Variants in LCP2 observed in about 807,000 individuals in gnomAD.
LCP2 encodes the protein 76 kDa tyrosine phosphoprotein.
A neutral mutation model predicts 74.5 loss-of-function variants in LCP2; 29 were observed. That is an observed-to-expected ratio of 0.39 (90% CI 0.29 to 0.53). The LOEUF is 0.53. Ranked by LOEUF, LCP2 falls within the 20% of genes least tolerant of loss-of-function variation. LCP2 has a pLI of 0.72. For missense variants in LCP2, 604 were observed against 634.6 expected, an observed-to-expected ratio of 0.95 and a Z score of 0.52; for synonymous variants, 228 against 229.5, an observed-to-expected ratio of 0.99 and a Z score of 0.06.
intron 1 of LCP2, 133 bp from the exon 2 acceptor site, chr5:170,293,505 G>C (rs1198460903): frequency 1.3e-6 from 1 of 790,580 alleles, no homozygotes; most frequent in Non-Finnish European, 2.1e-6. Context: ...CCCTCCCTTG[G>C]CTAACAGAGG....
intron 17 of LCP2, 103 bp from the exon 18 acceptor site, chr5:170,253,316 T>A (rs540093445): frequency 1.2e-4 from 87 of 735,002 alleles, no homozygotes; most frequent in African/African-American, 1.1e-3. Flanking sequence ...AAAATACCCT[T>A]GCGATTGGTC....
chr5:170,258,458 G>A, intron 15 of LCP2: 1 of 361,004 alleles, frequency 2.8e-6, no homozygotes, highest in Non-Finnish European at 5.0e-6. Context: ...AAAATTGTCA[G>A]CTGGAAACCT....
At position 170,256,522 on chromosome 5, in the gene LCP2, A is replaced by C. The variant is rs779315921; in HGVS notation, c.1150+4T>G. 1.2e-6 allele frequency: 2 copies of C among 1,612,252 alleles called. No homozygotes were observed. The highest frequency in any genetic ancestry group is 1.7e-4 in the Middle Eastern group (1 of 6,060). On this transcript the variant is annotated splice_donor_region_variant and intron_variant, in intron 17 of 20. Transcript: ENST00000046794. The surrounding 1 kb of genome is among the most constrained non-coding windows in gnomAD (Gnocchi z 4.5). ...AGCACGTCACAAAAGCCCAGAGTAC[A>C]AACCTTGAGAGAAGTATGGTGGCAG...
chr5:170,296,301 T>C (rs6888181), intron 1 of LCP2, among the ~76,000 whole-genome samples: 7,787 of 152,208 alleles, frequency 0.051, 401 homozygotes, highest in African/African-American at 0.13. Context: ...GCACAAAATA[T>C]GGCAAAAAAC....
intron 3 of LCP2, among the ~76,000 whole-genome samples, chr5:170,281,547 T>C (rs1250482358): frequency 2.0e-5 from 3 of 152,246 alleles, no homozygotes; most frequent in African/African-American, 2.4e-5. Flanking sequence ...CCCAAAGTGC[T>C]GGGATTACAG....
chr5:170,258,091 G>T lies in LCP2; in HGVS notation c.1046C>A (p.Pro349Gln). The change falls in exon 16 of 21, where the codon CCA (proline) becomes CAA (glutamine). Residue 349 changes from proline to glutamine, a missense_variant. Transcript: ENST00000046794. ...GGATGGGAGAGGGTTCATGGGACTTGGCTTAGTAGATCTTGAAGGGAAAGT... is the reference window on the plus strand; with the variant it reads ...GGATGGGAGAGGGTTCATGGGACTTTGCTTAGTAGATCTTGAAGGGAAAGT... ...SNTFPSRSTKPSPMNPLPSSH... is the reference protein window; with the variant it reads ...SNTFPSRSTKQSPMNPLPSSH... 1 of 1,613,878 alleles carries T rather than the reference G, an allele frequency of 6.2e-7. No individual in the cohort carries two copies. Among genetic ancestry groups the T allele is most frequent in the Non-Finnish European group, 8.5e-7 (1 of 1,179,768 alleles).
intron 17 of LCP2, among the ~76,000 whole-genome samples, chr5:170,255,636 A>T (rs369947120): frequency 6.6e-6 from 1 of 152,308 alleles, no homozygotes; most frequent in East Asian, 1.9e-4. Context: ...AAGCATTTTT[A>T]AAGTGCCTAC....
intron 6 of LCP2, chr5:170,273,964 G>A: frequency 3.9e-6 from 1 of 254,356 alleles, no homozygotes; most frequent in Non-Finnish European, 7.6e-6. Flanking sequence ...GTGAAGTGCA[G>A]TCAGCAAAGT....
chr5:170,297,402 A>G, intron 1 of LCP2, 132 bp downstream of exon 1: 1 of 715,912 alleles, frequency 1.4e-6, no homozygotes, highest in South Asian at 2.0e-5. Context: ...TCACTCAACC[A>G]GTAAAGTTGC....
chr5:170,295,014 GT>G (rs2113220511), intron 1 of LCP2, among the ~76,000 whole-genome samples: 1 of 152,278 alleles, frequency 6.6e-6, no homozygotes, highest in Admixed American at 6.5e-5. Context: ...GTCCAGAAAA[GT>G]TACCTGGATT....
chr5:170,257,365 T>A lies in LCP2; in HGVS notation c.1100+672A>T, dbSNP rs141758556. Among the ~76,000 whole-genome samples, 272 of 151,492 alleles carry A rather than the reference T, an allele frequency of 1.8e-3. 1 individual carries two copies. The highest frequency in any genetic ancestry group is 6.3e-3 in the African/African-American group (261 of 41,244). On this transcript the variant is annotated intron_variant, in intron 16 of 20. Transcript: ENST00000046794. ...AACATTGTGAGAATCCTGCTAGGAG[T>A]TGGTGGGGGTAGATGAGTCTTGTGG...
In LCP2 at chr5:170,274,106, G is replaced by A. The variant is rs1761943204; in HGVS notation, c.324+195C>T. On this transcript the variant is annotated intron_variant, in intron 6 of 20. Coordinates refer to ENST00000046794, the MANE Select transcript of LCP2 (RefSeq NM_005565.5). ...TCCAGTAGCAGAGTTGAGTAGCTGAGACAGAGAGTGCATGGCTCCCAAAGC... is the reference window on the plus strand; with the variant it reads ...TCCAGTAGCAGAGTTGAGTAGCTGAAACAGAGAGTGCATGGCTCCCAAAGC... 27 of 598,636 alleles carry A rather than the reference G, an allele frequency of 4.5e-5. No homozygotes were observed. In the East Asian group the frequency reaches 7.6e-4, roughly 17 times the overall value. 37.1% of individuals were successfully genotyped at this position (598,636 alleles called of 1,614,324 possible). A position where few individuals can be genotyped will look rare whatever the true frequency, so the allele number is the denominator to read the frequency against.
At position 170,268,476 on chromosome 5, in the gene LCP2, G is replaced by C; in HGVS notation, c.530C>G (p.Pro177Arg). 2 of 274,384 alleles carry C rather than the reference G, an allele frequency of 7.3e-6. 1 individual carries two copies. Among genetic ancestry groups the C allele is most frequent in the African/African-American group, 4.7e-5 (2 of 42,908 alleles). 17.0% of individuals were successfully genotyped at this position (274,384 alleles called of 1,614,324 possible). ...CTGCTGGGGGGTTTTCCCAGAGGGG[G>C]GCCGGTCTGTGGAAACACAAGGTTA... The part of the protein sequence containing the change: ...PNSNSMYIDR[P>R]PSGKTPQQPP... The change falls in exon 8 of 21, where the codon CCC becomes CGC. Residue 177 changes from proline (P) to arginine (R), a missense_variant. Physicochemically the swap from Pro to Arg is moderately radical, Grantham distance 103. Transcript: ENST00000046794.
intron 10 of LCP2, among the ~76,000 whole-genome samples, chr5:170,265,034 C>T (rs373431500): frequency 1.1e-4 from 15 of 135,650 alleles, no homozygotes; most frequent in African/African-American, 4.1e-4. Flanking sequence ...GTCGCCCAGG[C>T]TGGAGTGCAG....
intron 2 of LCP2, among the ~76,000 whole-genome samples, chr5:170,290,805 C>A (rs1444543511): frequency 6.6e-6 from 1 of 152,184 alleles, no homozygotes; most frequent in Non-Finnish European, 1.5e-5. Flanking sequence ...GCCTTCCCAA[C>A]TGACACAAGT....
chr5:170,287,858 G>A (rs1762209764), intron 3 of LCP2, 112 bp downstream of exon 3: 3 of 969,056 alleles, frequency 3.1e-6, no homozygotes, highest in South Asian at 2.7e-5. Flanking sequence ...CTTCCTACTT[G>A]CTTTCTTATT....
At chr5:170,264,925 C>T (rs2113170571) in intron 10 of LCP2, among the ~76,000 whole-genome samples, 1 of 151,322 alleles carries the variant, frequency 6.6e-6, no homozygotes, top group East Asian at 1.9e-4. Context: ...AGAGGGGCAC[C>T]CAGGAAACTT....
intron 2 of LCP2, among the ~76,000 whole-genome samples, chr5:170,289,671 T>TTCTTTCTTTCTTTCTTTCTTTC (rs1554141414): frequency 1.2e-5 from 1 of 84,050 alleles, no homozygotes; most frequent in Non-Finnish European, 2.6e-5. Context: ...CTTTCTTTCT[T>TTCTTTCTTTCTTTCTTTCTTTC]TCTCTCTCTC....
At position 170,266,998 on chromosome 5, in the gene LCP2, C is replaced by G. The variant is rs200501457; in HGVS notation, c.688+11G>C. The G allele has an allele frequency of 4.9e-5, 79 of 1,613,916 alleles. No individual in the cohort carries two copies. The highest frequency in any genetic ancestry group is 6.6e-5 in the Non-Finnish European group (78 of 1,179,874). On this transcript the variant is annotated intron_variant, in intron 9 of 20. Transcript: ENST00000046794. Reference sequence around the variant, plus strand: ...GGGAACAGGGCAAGAGAGAGCAGCCCTTGTACTCACGCTTTGCCGTTTTGT... The same window carrying G: ...GGGAACAGGGCAAGAGAGAGCAGCCGTTGTACTCACGCTTTGCCGTTTTGT...
Sources: gnomAD v4.1 joint callset for allele counts (sites outside exome capture counted in the v4.1 genomes callset) on GRCh38, gnomAD v4.1.1 for gene constraint, Gnocchi (gnomAD v3.1) non-coding constraint, MANE v1.5 for transcripts, NCBI Gene and HGNC (gene_info 2026-07-23, HGNC 2026-07-21) for gene names.